The following SERGEF variants were observed in gnomAD, a reference collection of about 807,000 sequenced individuals.
The protein encoded by SERGEF is secretion-regulating guanine nucleotide exchange factor.
In SERGEF, 51 loss-of-function variants were observed where a neutral mutation model predicts 50.0. The ratio of observed to expected loss-of-function variants is 1.02; its 90% CI spans 0.81 to 1.29. The LOEUF (loss-of-function observed/expected upper bound fraction) is 1.29, where lower values mean the gene tolerates loss of function less well. SERGEF is among the 50% of genes most tolerant of loss of function. The pLI is 0.00. For synonymous variants in SERGEF, 205 were observed against 212.4 expected, an observed-to-expected ratio of 0.97 and a Z score of 0.30; for missense variants, 521 against 557.0, an observed-to-expected ratio of 0.94 and a Z score of 0.65.
chr11:17,921,689 C>G (rs945379893), intron 9 of SERGEF, among the ~76,000 whole-genome samples: 1 of 152,112 alleles, frequency 6.6e-6, no homozygotes, highest in African/African-American at 2.4e-5. Context: ...AGAGCAAGAC[C>G]TGAAATGAAC....
intron 1 of SERGEF, chr11:18,012,394 C>A: frequency 1.4e-6 from 1 of 720,424 alleles, no homozygotes; most frequent in Non-Finnish European, 1.7e-6. Flanking sequence ...TCCCGTCAAA[C>A]CAACAGCAGC....
At chr11:17,992,017 G>C (rs552924254) in intron 7 of SERGEF, among the ~76,000 whole-genome samples, 2 of 152,314 alleles carry the variant, frequency 1.3e-5, no homozygotes, top group South Asian at 4.1e-4. Flanking sequence ...GTGGGCCAAA[G>C]AGAAGGGATT....
At chr11:17,796,272 A>G (rs974754425) in intron 10 of SERGEF, among the ~76,000 whole-genome samples, 5 of 152,216 alleles carry the variant, frequency 3.3e-5, no homozygotes, top group African/African-American at 1.2e-4. Flanking sequence ...GAGAATGGCT[A>G]TGAGGATGAT....
At chr11:17,963,127 A>T (rs1853044059) in intron 8 of SERGEF, among the ~76,000 whole-genome samples, 1 of 142,712 alleles carries the variant, frequency 7.0e-6, no homozygotes, top group Non-Finnish European at 1.5e-5. Context: ...GGTTGCAGTG[A>T]GCCGAGATGG....
At position 17,954,230 on chromosome 11, in the gene SERGEF, G is replaced by A. The variant is rs1852821864; in HGVS notation, c.1011+5240C>T. Among the ~76,000 whole-genome samples, 3 of 152,098 alleles carry A rather than the reference G, an allele frequency of 2.0e-5. No individual in the cohort carries two copies. The South Asian group carries it at 6.2e-4, about 32-fold the overall frequency. ...CCTCCGGACTCAGCTGATTGCTGGT[G>A]GTAGATTTCTGTGTTATTTAGGGCA... On this transcript the variant is annotated intron_variant, in intron 9 of 10. Transcript: ENST00000265965.
intron 1 of SERGEF, 140 bp downstream of exon 1, chr11:18,012,805 CTCCGCT>C: frequency 6.6e-7 from 1 of 1,507,794 alleles, no homozygotes; most frequent in Non-Finnish European, 8.9e-7. Context: ...TCCGCTCCCC[CTCCGCT>C]CCCAGCCCAG....
intron 6 of SERGEF, 47 bp downstream of exon 6, chr11:17,995,749 C>T: frequency 1.5e-6 from 2 of 1,320,408 alleles, no homozygotes; most frequent in Non-Finnish European, 2.2e-6. Flanking sequence ...TATGTCTCTA[C>T]TTCCTGACAA....
rs553823836 is a variant in SERGEF at position 17,834,273 on chromosome 11, C to T, written c.1048+43935G>A. Among the ~76,000 whole-genome samples the T allele has an allele frequency of 5.3e-5, 8 of 152,294 alleles. No individual in the cohort carries two copies. In the South Asian group the frequency reaches 1.5e-3, roughly 28 times the overall value. On this transcript the variant is annotated intron_variant, in intron 10 of 10. Transcript: ENST00000265965. ...CATTTTTTTGCCTGTCTACCACCCACGTAAGATGTGAGGTGCTCCTCCTTG... is the reference window on the plus strand; with the variant it reads ...CATTTTTTTGCCTGTCTACCACCCATGTAAGATGTGAGGTGCTCCTCCTTG...
chr11:17,801,922 A>G (rs1260557142), intron 10 of SERGEF, among the ~76,000 whole-genome samples: 1 of 152,218 alleles, frequency 6.6e-6, no homozygotes, highest in Admixed American at 6.5e-5. Context: ...GGATGCATAC[A>G]TACTACATGG....
At chr11:17,848,500 G>C (rs1422475226) in intron 10 of SERGEF, among the ~76,000 whole-genome samples, 2 of 152,182 alleles carry the variant, frequency 1.3e-5, no homozygotes, top group African/African-American at 2.4e-5. Flanking sequence ...GGATCATGAA[G>C]GGTGTGGATA....
At chr11:17,852,596 G>T in intron 10 of SERGEF, among the ~76,000 whole-genome samples, 1 of 152,168 alleles carries the variant, frequency 6.6e-6, no homozygotes, top group East Asian at 1.9e-4. Flanking sequence ...ACTTTTAAGT[G>T]ATAAAAATGT....
At chr11:17,803,510 A>G (rs1018653102) in intron 10 of SERGEF, among the ~76,000 whole-genome samples, 5 of 152,238 alleles carry the variant, frequency 3.3e-5, no homozygotes, top group African/African-American at 1.2e-4. Context: ...CCTACTGTAT[A>G]TACCTAATTC....
chr11:17,956,791 G>A (rs886751738), intron 9 of SERGEF, among the ~76,000 whole-genome samples: 1 of 152,112 alleles, frequency 6.6e-6, no homozygotes, highest in Admixed American at 6.5e-5. Context: ...CAAGGGTCAG[G>A]AAACATCAGC....
chr11:17,816,413 C>T (rs1218444994), intron 10 of SERGEF, among the ~76,000 whole-genome samples: 1 of 152,186 alleles, frequency 6.6e-6, no homozygotes, highest in Non-Finnish European at 1.5e-5. Flanking sequence ...AGGTTTGTGA[C>T]TCTTTAATAA....
At chr11:17,840,244 A>G (rs1172527071) in intron 10 of SERGEF, among the ~76,000 whole-genome samples, 1 of 152,258 alleles carries the variant, frequency 6.6e-6, no homozygotes, top group Non-Finnish European at 1.5e-5. Context: ...ACACTACAGG[A>G]TATTTTAAAG....
intron 9 of SERGEF, among the ~76,000 whole-genome samples, chr11:17,955,048 A>C (rs1852838552): frequency 6.6e-6 from 1 of 152,364 alleles, no homozygotes. Context: ...AACTAGGTTC[A>C]GCCACTAGAA....
At position 17,852,111 on chromosome 11, in the gene SERGEF, C is replaced by T. The variant is rs1019097455; in HGVS notation, c.1048+26097G>A. On this transcript the variant is annotated intron_variant, in intron 10 of 10. Transcript: ENST00000265965. Reference sequence around the variant, plus strand: ...GTCTAATGAGTGTGTGGTACCATGCCGGGCCCTTTATACCCATGATCTCAT... The same window carrying T: ...GTCTAATGAGTGTGTGGTACCATGCTGGGCCCTTTATACCCATGATCTCAT... 2.0e-5 allele frequency among the ~76,000 whole-genome samples: 3 copies of T among 152,200 alleles called. No homozygotes were observed. In the East Asian group the frequency reaches 5.8e-4, roughly 29 times the overall value.
chr11:18,007,043 G>C (rs559398071), intron 2 of SERGEF, among the ~76,000 whole-genome samples: 1 of 152,308 alleles, frequency 6.6e-6, no homozygotes, highest in South Asian at 2.1e-4. Flanking sequence ...AACGTGCCAG[G>C]TACTGTTTTA....
At chr11:17,844,775 A>G (rs1850572282) in intron 10 of SERGEF, among the ~76,000 whole-genome samples, 1 of 152,226 alleles carries the variant, frequency 6.6e-6, no homozygotes, top group South Asian at 2.1e-4. Context: ...TGTAGAAGAC[A>G]GACATGGGCC....
Sources: allele counts gnomAD v4.1 joint callset (sites outside exome capture counted in the v4.1 genomes callset), GRCh38; gene constraint gnomAD v4.1.1; transcripts MANE v1.5; gene names NCBI Gene and HGNC (gene_info 2026-07-23, HGNC 2026-07-21).